CTNNA2: variants seen among roughly 807,000 people sequenced by gnomAD.
The protein encoded by CTNNA2 is catenin alpha 2.
CTNNA2 carries 42 observed loss-of-function variants against 101.0 expected under a neutral mutation model. The observed-to-expected ratio is 0.42, with a 90% confidence interval of 0.32 to 0.54. The LOEUF is 0.54. CTNNA2 is among the 20% of genes least tolerant of loss of function. The pLI, the probability that CTNNA2 is intolerant of heterozygous loss-of-function variation, is 0.14. For missense variants in CTNNA2, 871 were observed against 1,223.1 expected, an observed-to-expected ratio of 0.71 and a Z score of 4.29; for synonymous variants, 450 against 456.4, an observed-to-expected ratio of 0.99 and a Z score of 0.18.
chr2:80,072,702 C>T (rs764801123), intron 7 of CTNNA2, among the ~76,000 whole-genome samples: 1 of 151,976 alleles, frequency 6.6e-6, no homozygotes, highest in East Asian at 1.9e-4. Context: ...AACCACATGT[C>T]ATCAGTGAAT....
chr2:80,339,819 G>T (rs1672076005), intron 7 of CTNNA2, among the ~76,000 whole-genome samples: 1 of 152,192 alleles, frequency 6.6e-6, no homozygotes, highest in Non-Finnish European at 1.5e-5. Flanking sequence ...ATGACTTTGA[G>T]CTAGGGGAGA....
chr2:79,414,621 C>A (rs954132474), intron 4 of CTNNA2, among the ~76,000 whole-genome samples: 3 of 152,010 alleles, frequency 2.0e-5, no homozygotes, highest in Non-Finnish European at 2.9e-5. Flanking sequence ...GGCTTTGCAA[C>A]GTTTTTGCCA....
chr2:79,527,774 A>G (rs906448114), intron 1 of CTNNA2, among the ~76,000 whole-genome samples: 4 of 152,184 alleles, frequency 2.6e-5, no homozygotes. Context: ...AAAAAGTTAA[A>G]TATAAAATTT....
chr2:80,088,574 T>C (rs555078762), intron 7 of CTNNA2, among the ~76,000 whole-genome samples: 1 of 152,246 alleles, frequency 6.6e-6, no homozygotes, highest in Admixed American at 6.5e-5. Flanking sequence ...GGAATAAATA[T>C]AATATACTTT....
chr2:80,241,743 C>T (rs1459741816), intron 7 of CTNNA2, among the ~76,000 whole-genome samples: 1 of 152,102 alleles, frequency 6.6e-6, no homozygotes, highest in East Asian at 1.9e-4. Flanking sequence ...GATTATATGG[C>T]AGTTGGATCT....
chr2:80,069,530 C>G (rs914194568), intron 7 of CTNNA2, among the ~76,000 whole-genome samples: 1 of 152,122 alleles, frequency 6.6e-6, no homozygotes, highest in Non-Finnish European at 1.5e-5. Flanking sequence ...TGTACTAATT[C>G]CTTCCCCAAA....
rs1395755802 is a variant in CTNNA2 at position 79,565,501 on chromosome 2, A to G, written c.-6+52294A>G. On this transcript the variant is annotated intron_variant, in intron 1 of 18. Coordinates refer to ENST00000402739, the MANE Select transcript of CTNNA2 (RefSeq NM_001282597.3). ...GAGAGCATGTCTGGGCAGGAAGAAG[A>G]CTTAGAAAGTTGATGCAGTAAGAGA... Among the ~76,000 whole-genome samples, 3 of 152,074 alleles carry G rather than the reference A, an allele frequency of 2.0e-5. No homozygotes were observed. In the South Asian group the frequency reaches 6.2e-4, roughly 32 times the overall value.
intron 7 of CTNNA2, among the ~76,000 whole-genome samples, chr2:80,384,968 C>T (rs1464662131): frequency 1.3e-5 from 2 of 152,010 alleles, no homozygotes; most frequent in Admixed American, 1.3e-4. Context: ...CTCATGGCAC[C>T]AGGTAACCCA....
chr2:79,305,249 C>T (rs907125614), intron 2 of CTNNA2, among the ~76,000 whole-genome samples: 15 of 150,916 alleles, frequency 9.9e-5, no homozygotes, highest in African/African-American at 3.4e-4. Flanking sequence ...CACACACAAA[C>T]ACATCTCCGT....
chr2:79,275,390 A>C (rs1205091297), intron 2 of CTNNA2, among the ~76,000 whole-genome samples: 1 of 151,978 alleles, frequency 6.6e-6, no homozygotes. Context: ...TAATTTCCTC[A>C]CTAGGGCCCC....
chr2:79,965,800 T>C (rs1689997802), intron 7 of CTNNA2, among the ~76,000 whole-genome samples: 1 of 121,458 alleles, frequency 8.2e-6, no homozygotes, highest in Non-Finnish European at 1.6e-5. Context: ...ACTGTACTCC[T>C]GCCTGGGTGA....
chr2:79,904,938 C>T (rs781514153), intron 6 of CTNNA2, among the ~76,000 whole-genome samples: 12 of 152,186 alleles, frequency 7.9e-5, no homozygotes, highest in Non-Finnish European at 1.8e-4. Flanking sequence ...TTTCGAACTA[C>T]ATAGTCTGCT....
Position 80,393,274 on chromosome 2 carries a change from A to C in CTNNA2, c.1120A>C (p.Arg374=). 1 of 1,610,414 alleles carries C rather than the reference A, an allele frequency of 6.2e-7. No individual in the cohort carries two copies. The highest frequency in any genetic ancestry group is 8.5e-7 in the Non-Finnish European group (1 of 1,177,804). Residue 374 remains arginine (R), a synonymous_variant, in exon 8 of 19, where the codon AGA becomes CGA. Transcript: ENST00000402739. ...IAIDKMTKKT[R]DLRRQLRKAV... is the part of the protein sequence containing the mutation. ...GATTGATAAGATGACTAAGAAAACA[A>C]GAGATCTAAGGAGACAGGTACTATT...
intron 2 of CTNNA2, among the ~76,000 whole-genome samples, chr2:79,699,660 A>T (rs1299467239): frequency 6.6e-6 from 1 of 151,458 alleles, no homozygotes; most frequent in Admixed American, 6.6e-5. Context: ...TAGACATCCC[A>T]ACAGTACCTT....
chr2:79,640,020 G>A (rs1680343777), intron 1 of CTNNA2, among the ~76,000 whole-genome samples: 1 of 151,918 alleles, frequency 6.6e-6, no homozygotes, highest in Admixed American at 6.6e-5. Flanking sequence ...AGTACTCATA[G>A]CATTTTGAGT....
intron 2 of CTNNA2, among the ~76,000 whole-genome samples, chr2:79,741,034 A>C (rs573863726): frequency 6.6e-6 from 1 of 152,058 alleles, no homozygotes; most frequent in East Asian, 1.9e-4. Context: ...AGTAGTGTGG[A>C]GTGGCATGCA....
chr2:80,302,630 C>G lies in CTNNA2; in HGVS notation c.1057-90581C>G, dbSNP rs375294082. 6.8e-6 allele frequency: 11 copies of G among 1,606,642 alleles called. No homozygotes were observed. The highest frequency in any genetic ancestry group is 8.5e-6 in the Non-Finnish European group (10 of 1,178,402). ...TGTGCCGTCGTGCTGCCCCTCCCCG[C>G]CGTCCGCGAGCGTGGTGGCCGAGCT... is the stretch of plus-strand genomic sequence containing the variant. On this transcript the variant is annotated intron_variant, in intron 7 of 18. Transcript: ENST00000402739. The surrounding 1 kb of genome is among the most constrained non-coding windows in gnomAD (Gnocchi z 6.4).
intron 3 of CTNNA2, among the ~76,000 whole-genome samples, chr2:79,807,158 A>G (rs1676643821): frequency 6.6e-6 from 1 of 152,134 alleles, no homozygotes; most frequent in South Asian, 2.1e-4. Flanking sequence ...AAATACAAAT[A>G]TATTTTTGGT....
chr2:79,994,265 G>A (rs2103916393), intron 7 of CTNNA2, among the ~76,000 whole-genome samples: 1 of 152,278 alleles, frequency 6.6e-6, no homozygotes, highest in East Asian at 1.9e-4. Flanking sequence ...TTAAAACTTT[G>A]TCTTCTTGAG....
Sources: gnomAD v4.1 joint callset for allele counts (sites outside exome capture counted in the v4.1 genomes callset) on GRCh38, gnomAD v4.1.1 for gene constraint, Gnocchi (gnomAD v3.1) non-coding constraint, MANE v1.5 for transcripts, NCBI Gene and HGNC (gene_info 2026-07-23, HGNC 2026-07-21) for gene names.